Variants in OLFM3 observed in about 807,000 individuals in gnomAD.
The protein encoded by OLFM3 is olfactomedin 3, also known as noelin-3.
In OLFM3, 20 loss-of-function variants were observed where a neutral mutation model predicts 48.6. The ratio of observed to expected loss-of-function variants is 0.41; its 90% CI spans 0.29 to 0.60. OLFM3 has a LOEUF of 0.60. Among genes scored for constraint, OLFM3 ranks in the 20% least tolerant of loss-of-function variants. The pLI is 0.28. For missense variants in OLFM3, 437 were observed against 544.3 expected (o/e 0.80, Z 1.96); for synonymous variants, 222 against 198.1 (o/e 1.12, Z -1.01).
chr1:101,976,955 G>A (rs1660972170), intron 1 of OLFM3, among the ~76,000 whole-genome samples: 1 of 152,088 alleles, frequency 6.6e-6, no homozygotes, highest in Non-Finnish European at 1.5e-5. Context: ...TTATGGGAGT[G>A]TATATCCCCC....
intron 1 of OLFM3, among the ~76,000 whole-genome samples, chr1:101,867,115 G>A (rs1314607496): frequency 6.6e-6 from 1 of 152,116 alleles, no homozygotes; most frequent in Non-Finnish European, 1.5e-5. Flanking sequence ...ATAGGCTTTG[G>A]TGGTCAATTT....
chr1:101,996,652 C>G, intron 1 of OLFM3, 96 bp downstream of exon 1: 3 of 1,285,442 alleles, frequency 2.3e-6, no homozygotes, highest in Non-Finnish European at 3.4e-6. Flanking sequence ...AAAGAGCTGT[C>G]TCTCGTCCCG....
chr1:101,950,267 A>G (rs1380040861), intron 1 of OLFM3, among the ~76,000 whole-genome samples: 2 of 152,116 alleles, frequency 1.3e-5, no homozygotes, highest in Non-Finnish European at 2.9e-5. Context: ...TGGAACACCC[A>G]TCCTCTTGCT....
chr1:101,896,671 T>C (rs1274795057), intron 1 of OLFM3, among the ~76,000 whole-genome samples: 999 of 22,810 alleles, frequency 0.044, 8 homozygotes, highest in African/African-American at 0.19. Flanking sequence ...ATTTTTTGTA[T>C]TTTTTTTTTT....
chr1:101,873,038 A>G (rs1657147355), intron 1 of OLFM3, among the ~76,000 whole-genome samples: 4 of 152,010 alleles, frequency 2.6e-5, no homozygotes, highest in Admixed American at 2.0e-4. Context: ...AGAATATACA[A>G]CTTACATTTT....
intron 1 of OLFM3, among the ~76,000 whole-genome samples, chr1:101,946,322 A>C (rs11583344): frequency 0.4 from 61,013 of 152,022 alleles, 12,531 homozygotes; most frequent in East Asian, 0.51. Context: ...TTATTTGAGT[A>C]TCACGAGAAT....
At chr1:101,928,992 TAA>T (rs1458345201) in intron 1 of OLFM3, among the ~76,000 whole-genome samples, 1 of 152,100 alleles carries the variant, frequency 6.6e-6, no homozygotes, top group Admixed American at 6.6e-5. Context: ...CCCTTCTATG[TAA>T]AGAGCATGCA....
At chr1:101,918,025 A>G (rs1227957704) in intron 1 of OLFM3, among the ~76,000 whole-genome samples, 2 of 152,178 alleles carry the variant, frequency 1.3e-5, no homozygotes, top group African/African-American at 4.8e-5. Flanking sequence ...TCCCTTTGGG[A>G]GTTTCTTTCC....
chr1:101,899,593 G>A (rs538265934), intron 1 of OLFM3, among the ~76,000 whole-genome samples: 24 of 152,256 alleles, frequency 1.6e-4, no homozygotes, highest in Middle Eastern at 3.4e-3. Context: ...ACATGTGTTA[G>A]TTGCTGGTAA....
At chr1:101,843,184 T>C (rs1271433701) in intron 1 of OLFM3, among the ~76,000 whole-genome samples, 1 of 152,210 alleles carries the variant, frequency 6.6e-6, no homozygotes, top group Non-Finnish European at 1.5e-5. Context: ...AAAGTAGTTA[T>C]TCATGAGGAG....
chr1:101,871,700 AAG>A (rs906524199), intron 1 of OLFM3, among the ~76,000 whole-genome samples: 3 of 152,020 alleles, frequency 2.0e-5, no homozygotes, highest in African/African-American at 4.8e-5. Context: ...ATTGTATCAA[AAG>A]AGTTAAAATT....
intron 1 of OLFM3, among the ~76,000 whole-genome samples, chr1:101,976,400 C>A (rs138001177): frequency 1.3e-5 from 2 of 152,258 alleles, no homozygotes; most frequent in Admixed American, 1.3e-4. Context: ...TAGCTGCATC[C>A]ATGCCTTTTT....
At chr1:101,811,546 C>T (rs553519927) in intron 4 of OLFM3, among the ~76,000 whole-genome samples, 12 of 152,214 alleles carry the variant, frequency 7.9e-5, no homozygotes, top group African/African-American at 2.6e-4. Context: ...AGACACTTCT[C>T]AAAAGAAGAC....
At chr1:101,867,604 A>G (rs1423346402) in intron 1 of OLFM3, among the ~76,000 whole-genome samples, 1 of 152,248 alleles carries the variant, frequency 6.6e-6, no homozygotes. Flanking sequence ...AGGTCAGAAT[A>G]ACTCAGCGAT....
At chr1:101,851,075 T>C (rs1402937913) in intron 1 of OLFM3, among the ~76,000 whole-genome samples, 1 of 152,068 alleles carries the variant, frequency 6.6e-6, no homozygotes, top group Non-Finnish European at 1.5e-5. Context: ...TAACATAAAA[T>C]AGAAGAAGGT....
intron 1 of OLFM3, among the ~76,000 whole-genome samples, chr1:101,983,833 T>C (rs1282069575): frequency 6.6e-6 from 1 of 152,264 alleles, no homozygotes; most frequent in Non-Finnish European, 1.5e-5. Flanking sequence ...CTGTTCTATA[T>C]GAAATATGCA....
At chr1:101,828,419 T>C (rs1394211611) in intron 3 of OLFM3, among the ~76,000 whole-genome samples, 43 of 152,174 alleles carry the variant, frequency 2.8e-4, no homozygotes, top group Non-Finnish European at 5.9e-5. Context: ...GTTATTTGGA[T>C]TTTGACATAT....
chr1:101,806,750 A>G (rs1653796138), intron 4 of OLFM3, among the ~76,000 whole-genome samples: 1 of 151,812 alleles, frequency 6.6e-6, no homozygotes, highest in Admixed American at 6.6e-5. Flanking sequence ...TAAATGCCTT[A>G]TACAGCTAAC....
intron 1 of OLFM3, among the ~76,000 whole-genome samples, chr1:101,971,441 T>C (rs926807341): frequency 1.3e-5 from 2 of 152,202 alleles, no homozygotes; most frequent in African/African-American, 4.8e-5. Context: ...TGAAGAAGTC[T>C]GCATTTTCAA....
Sources: allele counts gnomAD v4.1 joint callset (sites outside exome capture counted in the v4.1 genomes callset), GRCh38; gene constraint gnomAD v4.1.1; transcripts MANE v1.5; gene names NCBI Gene and HGNC (gene_info 2026-07-23, HGNC 2026-07-21).